The following GALNTL6 variants were observed in gnomAD, a reference collection of about 807,000 sequenced individuals.
GALNTL6 encodes polypeptide N-acetylgalactosaminyltransferase-like 6.
A neutral mutation model predicts 73.7 loss-of-function variants in GALNTL6; 46 were observed. That is an observed-to-expected ratio of 0.62 (90% CI 0.49 to 0.80). GALNTL6 has a LOEUF of 0.80. GALNTL6 is among the 30% of genes least tolerant of loss of function. The pLI, the probability that GALNTL6 is intolerant of heterozygous loss-of-function variation, is 0.00. For missense variants in GALNTL6, 604 were observed against 755.0 expected, an observed-to-expected ratio of 0.80 and a Z score of 2.34; for synonymous variants, 259 against 263.7, an observed-to-expected ratio of 0.98 and a Z score of 0.17.
chr4:171,916,227 G>A (rs1315194295), intron 2 of GALNTL6, among the ~76,000 whole-genome samples: 1 of 151,516 alleles, frequency 6.6e-6, no homozygotes, highest in African/African-American at 2.4e-5. Flanking sequence ...CTTAGTTTTG[G>A]GATCTAAAAT....
chr4:172,951,105 C>T (rs970349659), intron 9 of GALNTL6, among the ~76,000 whole-genome samples: 4 of 152,226 alleles, frequency 2.6e-5, no homozygotes, highest in African/African-American at 9.6e-5. Flanking sequence ...CACCCAGGCT[C>T]TCCAATTTCC....
chr4:172,763,413 T>G (rs6553657), intron 5 of GALNTL6, among the ~76,000 whole-genome samples: 10 of 152,016 alleles, frequency 6.6e-5, no homozygotes, highest in Non-Finnish European at 1.5e-4. Flanking sequence ...TACTTCTTTT[T>G]AACAGTTAGA....
intron 2 of GALNTL6, among the ~76,000 whole-genome samples, chr4:171,859,977 G>A (rs1735790742): frequency 6.6e-6 from 1 of 152,198 alleles, no homozygotes; most frequent in Non-Finnish European, 1.5e-5. Flanking sequence ...CCAGGGCTCT[G>A]AGGTTATCTC....
At chr4:172,124,375 G>A (rs1733239187) in intron 2 of GALNTL6, among the ~76,000 whole-genome samples, 1 of 152,108 alleles carries the variant, frequency 6.6e-6, no homozygotes, top group Non-Finnish European at 1.5e-5. Flanking sequence ...CCCAAAGTTA[G>A]TTCTAGGTCA....
chr4:172,770,884 AATT>A (rs1440316172), intron 5 of GALNTL6, among the ~76,000 whole-genome samples: 1 of 152,196 alleles, frequency 6.6e-6, no homozygotes, highest in Non-Finnish European at 1.5e-5. Context: ...TGCCACAAAC[AATT>A]ATTTAATGAT....
At chr4:171,862,171 G>T (rs1735846601) in intron 2 of GALNTL6, among the ~76,000 whole-genome samples, 1 of 152,042 alleles carries the variant, frequency 6.6e-6, no homozygotes. Context: ...AACAGGCAGA[G>T]GTCTTCAGAA....
intron 5 of GALNTL6, among the ~76,000 whole-genome samples, chr4:172,657,754 G>A (rs1021964957): frequency 6.6e-6 from 1 of 151,924 alleles, no homozygotes; most frequent in Non-Finnish European, 1.5e-5. Flanking sequence ...AAGAGTGTGA[G>A]GGAAAAGTGA....
intron 3 of GALNTL6, among the ~76,000 whole-genome samples, chr4:172,249,242 C>T (rs1353910476): frequency 6.6e-6 from 1 of 152,126 alleles, no homozygotes; most frequent in East Asian, 1.9e-4. Context: ...GTCACTCTTG[C>T]TATGCAAAGA....
chr4:171,833,551 T>C (rs1735031661), intron 2 of GALNTL6, among the ~76,000 whole-genome samples: 1 of 151,734 alleles, frequency 6.6e-6, no homozygotes, highest in Non-Finnish European at 1.5e-5. Flanking sequence ...GTTTTTATGG[T>C]CCAGAGTCAT....
chr4:172,981,071 T>C (rs534592821), intron 10 of GALNTL6, among the ~76,000 whole-genome samples: 3 of 152,370 alleles, frequency 2.0e-5, no homozygotes, highest in African/African-American at 7.2e-5. Context: ...TGAATGTATA[T>C]ACCACATTTT....
chr4:172,265,480 A>T (rs1269413518), intron 3 of GALNTL6, among the ~76,000 whole-genome samples: 1 of 152,084 alleles, frequency 6.6e-6, no homozygotes, highest in Non-Finnish European at 1.5e-5. Flanking sequence ...AATATTAAAG[A>T]TTCATCATGT....
At position 172,721,414 on chromosome 4, in the gene GALNTL6, CA is replaced by C. The variant is rs1579392679; in HGVS notation, c.554-87944del. Among the ~76,000 whole-genome samples the C allele has an allele frequency of 2.6e-5, 4 of 152,280 alleles. No individual in the cohort carries two copies. In the East Asian group the frequency reaches 7.7e-4, roughly 29 times the overall value. Reference sequence around the variant, plus strand: ...AGCATGAATACCAAGAAAGAATAAACAAACTTTCTTATGTATTAAAATTAGA... The same window carrying C: ...AGCATGAATACCAAGAAAGAATAAACAACTTTCTTATGTATTAAAATTAGA... On this transcript the variant is annotated intron_variant, in intron 5 of 12. Coordinates refer to ENST00000506823, the MANE Select transcript of GALNTL6 (RefSeq NM_001034845.3).
chr4:172,438,737 C>A (rs950417928), intron 5 of GALNTL6, among the ~76,000 whole-genome samples: 3 of 151,762 alleles, frequency 2.0e-5, no homozygotes, highest in South Asian at 4.2e-4. Context: ...ATTAGTGTTG[C>A]CTGGAATTAG....
chr4:172,963,234 G>T (rs1203005951), intron 10 of GALNTL6, among the ~76,000 whole-genome samples: 1 of 151,958 alleles, frequency 6.6e-6, no homozygotes, highest in South Asian at 2.1e-4. Context: ...TATGGCTCCC[G>T]CCCTTACTTC....
chr4:172,074,385 AAAAC>A lies in GALNTL6; in HGVS notation c.139-155263_139-155260del, dbSNP rs374994021. On this transcript the variant is annotated intron_variant, in intron 2 of 12. Transcript: ENST00000506823. ...TGTGGGGAGAAGGAATTAATGAAGC[AAAAC>A]AAACAAAAAAACAAGACATTTGGGT... 1.5e-4 allele frequency among the ~76,000 whole-genome samples: 23 copies of A among 152,328 alleles called. No homozygotes were observed. The East Asian group carries it at 4.4e-3, about 29-fold the overall frequency.
intron 2 of GALNTL6, among the ~76,000 whole-genome samples, chr4:172,038,862 G>A (rs1742009250): frequency 6.6e-6 from 1 of 152,190 alleles, no homozygotes; most frequent in Non-Finnish European, 1.5e-5. Flanking sequence ...AACATAAAAT[G>A]GATTCATAGA....
At chr4:172,104,386 T>G (rs1732620652) in intron 2 of GALNTL6, among the ~76,000 whole-genome samples, 1 of 152,022 alleles carries the variant, frequency 6.6e-6, no homozygotes, top group African/African-American at 2.4e-5. Flanking sequence ...AACATCGACT[T>G]AAATTAAAGG....
chr4:172,082,318 G>T (rs564784745), intron 2 of GALNTL6, among the ~76,000 whole-genome samples: 1 of 152,290 alleles, frequency 6.6e-6, no homozygotes, highest in South Asian at 2.1e-4. Flanking sequence ...TAGGTTTTAG[G>T]GAGGGAAACA....
At chr4:171,887,789 A>G (rs369410519) in intron 2 of GALNTL6, among the ~76,000 whole-genome samples, 3 of 152,328 alleles carry the variant, frequency 2.0e-5, no homozygotes, top group East Asian at 1.9e-4. Flanking sequence ...GAAAAAAAAC[A>G]GTAACATATA....
Sources: gnomAD v4.1 joint callset for allele counts (sites outside exome capture counted in the v4.1 genomes callset) on GRCh38, gnomAD v4.1.1 for gene constraint, MANE v1.5 for transcripts, NCBI Gene and HGNC (gene_info 2026-07-23, HGNC 2026-07-21) for gene names.